Variants in OR10G7 observed in about 807,000 individuals in gnomAD.
The protein encoded by OR10G7 is olfactory receptor family 10 subfamily G member 7.
For missense variants in OR10G7, 338 were observed against 382.1 expected (o/e 0.88, Z 0.96); for synonymous variants, 165 against 167.4 (o/e 0.99, Z 0.11).
rs59358830 is a variant in OR10G7, at chr11:124,038,392, G to T, written c.610C>A (p.Leu204Ile). 29,165 of 1,613,940 alleles carry T rather than the reference G, an allele frequency of 0.018. 1,823 individuals are homozygous for T. The highest frequency in any genetic ancestry group is 0.17 in the Admixed American group (9,990 of 60,006). ...AGGACAAAGCAGCCCGAGGCCACTA[G>T]CCCAATATTCACAAAGATGACCATC... Reference protein sequence around the residue: ...NEMVIFVNIGLVASGCFVLIV... With the variant: ...NEMVIFVNIGIVASGCFVLIV... The change falls in exon 2 of 2, where the codon CTA becomes ATA. Residue 204 changes from leucine to isoleucine, a missense_variant. Leu to Ile is a conservative substitution (Grantham distance 5, BLOSUM62 2). Transcript: ENST00000641585.
At chr11:124,040,045 T>C (rs1442397206) in intron 1 of OR10G7, among the ~76,000 whole-genome samples, 1 of 152,156 alleles carries the variant, frequency 6.6e-6, no homozygotes, top group Non-Finnish European at 1.5e-5. Flanking sequence ...AATGCAATAA[T>C]GAACAGTACC....
At position 124,037,952 on chromosome 11, in the gene OR10G7, T is replaced by G; in HGVS notation, c.*114A>C. On this transcript the variant is annotated 3_prime_UTR_variant, in exon 2 of 2. Transcript: ENST00000641585. ...ATGAAAAATTAATTAACTGTCCAAT[T>G]AAAAATTAAGACTGAATAATTGAAA... is the stretch of plus-strand genomic sequence containing the variant. 2 of 707,274 alleles carry G rather than the reference T, an allele frequency of 2.8e-6. No homozygotes were observed. The highest frequency in any genetic ancestry group is 5.8e-5 in the South Asian group (2 of 34,206). 43.8% of individuals were successfully genotyped at this position (707,274 alleles called of 1,614,324 possible). A position where few individuals can be genotyped will look rare whatever the true frequency, so the allele number is the denominator to read the frequency against.
intron 1 of OR10G7, among the ~76,000 whole-genome samples, chr11:124,039,784 C>T (rs993511837): frequency 9.2e-5 from 14 of 152,234 alleles, no homozygotes; most frequent in South Asian, 2.1e-4. Context: ...CTTCCTGTCA[C>T]GTCAGCAGGG....
chr11:124,039,665 G>T, intron 1 of OR10G7, among the ~76,000 whole-genome samples: 1 of 152,066 alleles, frequency 6.6e-6, no homozygotes, highest in East Asian at 1.9e-4. Context: ...TAGATCAGGG[G>T]TCCTCAAACT....
chr11:124,038,648 G>C lies in OR10G7; in HGVS notation c.354C>G (p.Ser118=), dbSNP rs1864215878. The part of the protein sequence containing the change: ...STECFLYTVM[S]YDRYLAISYP... ...AACTGATGGCCAGGTAGCGATCATA[G>C]GACATGACTGTGTAGAGGAAACACT... Residue 118 remains serine, a synonymous_variant, in exon 2 of 2, where the codon TCC becomes TCG. Transcript: ENST00000641585. 1.2e-6 allele frequency: 2 copies of C among 1,613,958 alleles called. No individual in the cohort carries two copies. Among genetic ancestry groups the C allele is most frequent in the South Asian group, 2.2e-5 (2 of 91,070 alleles).
chr11:124,039,132 AT>A, intron 1 of OR10G7, 111 bp from the exon 2 acceptor site: 3 of 1,120,588 alleles, frequency 2.7e-6, no homozygotes, highest in Non-Finnish European at 2.5e-6. Flanking sequence ...TATTTTTTAT[AT>A]TTTATAACTT....
At chr11:124,039,649 T>C (rs1244660925) in intron 1 of OR10G7, among the ~76,000 whole-genome samples, 1 of 152,100 alleles carries the variant, frequency 6.6e-6, no homozygotes, top group Non-Finnish European at 1.5e-5. Flanking sequence ...TTCCTTTGTC[T>C]TACCCTAGAT....
At chr11:124,040,691 A>C (rs183838368) in intron 1 of OR10G7, among the ~76,000 whole-genome samples, 195 bp downstream of exon 1, 2 of 152,250 alleles carry the variant, frequency 1.3e-5, no homozygotes, top group African/African-American at 4.8e-5. Flanking sequence ...TGATTTCACA[A>C]AATTTTTAGT....
chr11:124,039,216 A>G (rs567206447), intron 1 of OR10G7, among the ~76,000 whole-genome samples, 195 bp from the exon 2 acceptor site: 16 of 152,266 alleles, frequency 1.1e-4, no homozygotes, highest in Non-Finnish European at 2.1e-4. Flanking sequence ...AGCCATATAC[A>G]AAAGAGGAGG....
At chr11:124,039,808 G>C (rs1228323916) in intron 1 of OR10G7, among the ~76,000 whole-genome samples, 1 of 152,126 alleles carries the variant, frequency 6.6e-6, no homozygotes, top group Non-Finnish European at 1.5e-5. Flanking sequence ...TTAGATTCTC[G>C]TAGGAGTGGG....
chr11:124,039,088 TA>T (rs1157790882), intron 1 of OR10G7, 67 bp from the exon 2 acceptor site: 4 of 1,424,552 alleles, frequency 2.8e-6, no homozygotes, highest in Non-Finnish European at 3.8e-6. Flanking sequence ...ATATGGCAAC[TA>T]TATTTTTCTG....
Position 124,037,488 on chromosome 11 carries a change from T to C in OR10G7, c.*578A>G, listed in dbSNP as rs999863765. On this transcript the variant is annotated 3_prime_UTR_variant, in exon 2 of 2. Coordinates refer to ENST00000641585, the MANE Select transcript of OR10G7 (RefSeq NM_001004463.2). The stretch of plus-strand genomic sequence containing the variant: ...TGTATACAGTGCATAAATGGACAAA[T>C]ATTTACTCTCAGAAATCTTTCAGGC... 3.9e-5 allele frequency: 6 copies of C among 152,116 alleles called. No individual in the cohort carries two copies. The highest frequency in any genetic ancestry group is 1.2e-4 in the African/African-American group (5 of 41,344). The allele number at this position is 152,116 out of a possible 1,614,324, so 9.4% of individuals were successfully genotyped here. A position where few individuals can be genotyped will look rare whatever the true frequency, so the allele number is the denominator to read the frequency against.
chr11:124,037,895 C>A lies in OR10G7; in HGVS notation c.*171G>T. The A allele has an allele frequency of 4.1e-6, 2 of 488,192 alleles. No individual in the cohort carries two copies. Among genetic ancestry groups the A allele is most frequent in the South Asian group, 8.8e-5 (2 of 22,832 alleles). The allele number at this position is 488,192 out of a possible 1,614,324, so 30.2% of individuals were successfully genotyped here. On this transcript the variant is annotated 3_prime_UTR_variant, in exon 2 of 2. Transcript: ENST00000641585. ...TATCACCGTGAAATGGCTGCTTTAA[C>A]TAGGATTCTAACAAACACTCTGCAG...
rs887602659 is a variant in OR10G7 at position 124,036,818 on chromosome 11, A to G, written c.*1248T>C. 1.3e-5 allele frequency: 2 copies of G among 152,200 alleles called. No homozygotes were observed. Among genetic ancestry groups the G allele is most frequent in the Non-Finnish European group, 2.9e-5 (2 of 68,022 alleles). The allele number at this position is 152,200 out of a possible 1,614,324, so 9.4% of individuals were successfully genotyped here. Reference sequence around the variant, plus strand: ...TGTAGCTCATGCTTACCAAGTTAGTATGTTTTTCTTCTCAATATCACCGCA... The same window carrying G: ...TGTAGCTCATGCTTACCAAGTTAGTGTGTTTTTCTTCTCAATATCACCGCA... On this transcript the variant is annotated 3_prime_UTR_variant, in exon 2 of 2. Coordinates refer to ENST00000641585, the MANE Select transcript of OR10G7 (RefSeq NM_001004463.2).
chr11:124,038,051 T>TA lies in OR10G7; in HGVS notation c.*14dup, dbSNP rs1864205996. On this transcript the variant is annotated 3_prime_UTR_variant, in exon 2 of 2. Transcript: ENST00000641585. ...AATAAAAAAAGAAAAGTTAGCCATATATGGCCTTTCTTAACTATTCACCCT... is the reference window on the plus strand; with the variant it reads ...AATAAAAAAAGAAAAGTTAGCCATATAATGGCCTTTCTTAACTATTCACCCT... The TA allele has an allele frequency of 6.4e-7, 1 of 1,550,936 alleles. No homozygotes were observed. Among genetic ancestry groups the TA allele is most frequent in the East Asian group, 2.3e-5 (1 of 44,296 alleles).
At position 124,038,561 on chromosome 11, in the gene OR10G7, A is replaced by C; in HGVS notation, c.441T>G (p.Thr147=). The C allele has an allele frequency of 6.2e-7, 1 of 1,613,896 alleles. No homozygotes were observed. The highest frequency in any genetic ancestry group is 1.1e-5 in the South Asian group (1 of 91,074). The stretch of plus-strand genomic sequence containing the variant: ...CAGAGTGCAGAGAGCCACTGAGCCA[A>C]GTGCCGGTGGCCAGGAGGGCACACG... ...GRSCALLATG[T]WLSGSLHSAV... Residue 147 remains threonine, a synonymous_variant, in exon 2 of 2, where the codon ACT becomes ACG. Transcript: ENST00000641585.
chr11:124,037,949 A>C lies in OR10G7; in HGVS notation c.*117T>G, dbSNP rs1204928339. On this transcript the variant is annotated 3_prime_UTR_variant, in exon 2 of 2. Transcript: ENST00000641585. ...AAAATGAAAAATTAATTAACTGTCC[A>C]ATTAAAAATTAAGACTGAATAATTG... The C allele has an allele frequency of 8.9e-6, 6 of 676,176 alleles. No individual in the cohort carries two copies. The highest frequency in any genetic ancestry group is 1.2e-5 in the Non-Finnish European group (5 of 427,940). The allele number at this position is 676,176 out of a possible 1,614,324, so 41.9% of individuals were successfully genotyped here. A position where few individuals can be genotyped will look rare whatever the true frequency, so the allele number is the denominator to read the frequency against.
chr11:124,038,287 T>C lies in OR10G7; in HGVS notation c.715A>G (p.Thr239Ala), dbSNP rs146835072. ...ACCACGATACAGTGGGAGGCACAGG[T>C]CTGAAAGGCTCTGTGCCTCCCCTCT... ...TSEGRHRAFQTCASHCIVVLC... is the reference protein window; with the variant it reads ...TSEGRHRAFQACASHCIVVLC... Residue 239 changes from threonine to alanine, a missense_variant, in exon 2 of 2, where the codon ACC (threonine) becomes GCC (alanine). Coordinates refer to ENST00000641585, the MANE Select transcript of OR10G7 (RefSeq NM_001004463.2). The C allele has an allele frequency of 5.6e-5, 90 of 1,614,010 alleles. 3 individuals are homozygous for C. The African/African-American group carries it at 1.1e-3, about 20-fold the overall frequency.
chr11:124,038,948 G>A lies in OR10G7; in HGVS notation c.54C>T (p.Ala18=), dbSNP rs1274205754. The A allele has an allele frequency of 3.7e-6, 6 of 1,612,726 alleles. No homozygotes were observed. The African/African-American group carries it at 8.0e-5, about 22-fold the overall frequency. The change falls in exon 2 of 2, where the codon GCC becomes GCT. Residue 18 remains alanine (A), a synonymous_variant. Transcript: ENST00000641585. The part of the protein sequence containing the change: ...TAFILTGLPH[A]PGLDAPLFGI... ...CAAAGAGGGGGGCGTCCAGCCCTGG[G>A]GCATGGGGAAGGCCCGTGAGGATGA...
Sources: allele counts gnomAD v4.1 joint callset (sites outside exome capture counted in the v4.1 genomes callset), GRCh38; gene constraint gnomAD v4.1.1; transcripts MANE v1.5; gene names NCBI Gene and HGNC (gene_info 2026-07-23, HGNC 2026-07-21).